C6: variants seen among roughly 807,000 people sequenced by gnomAD.
The protein encoded by C6 is complement C6.
A neutral mutation model predicts 112.9 loss-of-function variants in C6; 101 were observed. The observed-to-expected ratio is 0.89, with a 90% CI of 0.76 to 1.06. The LOEUF is 1.06. C6 is among the 50% of genes least tolerant of loss of function. The pLI, the probability that C6 is intolerant of heterozygous loss-of-function variation, is 0.00. For synonymous variants in C6, 431 were observed against 384.1 expected, an observed-to-expected ratio of 1.12 and a Z score of -1.43; for missense variants, 1,202 against 1,104.6, an observed-to-expected ratio of 1.09 and a Z score of -1.25.
chr5:41,182,741 C>G (rs1176154283), intron 6 of C6, among the ~76,000 whole-genome samples: 1 of 152,158 alleles, frequency 6.6e-6, no homozygotes, highest in East Asian at 1.9e-4. Flanking sequence ...TAAAAGAAAA[C>G]CAATAGCTTG....
chr5:41,244,268 A>G (rs1740896420), intron 1 of C6, among the ~76,000 whole-genome samples: 1 of 152,242 alleles, frequency 6.6e-6, no homozygotes, highest in African/African-American at 2.4e-5. Flanking sequence ...AGACAACAAT[A>G]ACAGCAGCAA....
chr5:41,154,777 G>A (rs113554492), intron 14 of C6, among the ~76,000 whole-genome samples, 195 bp downstream of exon 14: 1,624 of 152,276 alleles, frequency 0.011, 9 homozygotes, highest in Non-Finnish European at 0.017. Flanking sequence ...CAGGAACACT[G>A]AAATATGGAG....
chr5:41,149,347 G>A lies in C6; in HGVS notation c.2517C>T (p.Asp839=), dbSNP rs567176554. 59 of 1,614,026 alleles carry A rather than the reference G, an allele frequency of 3.7e-5. 1 individual carries two copies. The highest frequency in any genetic ancestry group is 3.2e-4 in the South Asian group (29 of 91,066). Residue 839 remains aspartate (D), a synonymous_variant, in exon 17 of 18, where the codon GAC becomes GAT. Transcript: ENST00000337836. ...CAAGACCCCATTCTAACTGGCGGCC[G>A]TCTTGGCAGGAACCAATATGTAGAA... ...LHFLHIGSCQ[D]GRQLEWGLER...
intron 17 of C6, among the ~76,000 whole-genome samples, chr5:41,145,414 C>A (rs1253758338): frequency 1.3e-5 from 2 of 152,150 alleles, no homozygotes; most frequent in East Asian, 3.8e-4. Context: ...GATCAACCGA[C>A]TTGAAATTCT....
In C6 at chr5:41,149,460, C is replaced by G. The variant is rs200904814; in HGVS notation, c.2404G>C (p.Val802Leu). ...DCSHHSEDLC[V>L]FDTDSNDYFT... Reference sequence around the variant, plus strand: ...TAATCGTTGGAGTCTGTGTCAAACACACAGAGATCTTCTGAATGATGGCTG... The same window carrying G: ...TAATCGTTGGAGTCTGTGTCAAACAGACAGAGATCTTCTGAATGATGGCTG... The change falls in exon 17 of 18, where the codon GTG becomes CTG. Residue 802 changes from valine (V) to leucine (L), a missense_variant. By Grantham distance (32) the Val-to-Leu change is conservative. Coordinates refer to ENST00000337836, the MANE Select transcript of C6 (RefSeq NM_000065.5). The G allele has an allele frequency of 6.2e-7, 1 of 1,614,014 alleles. No individual in the cohort carries two copies. The highest frequency in any genetic ancestry group is 2.2e-5 in the East Asian group (1 of 44,878).
intron 6 of C6, among the ~76,000 whole-genome samples, chr5:41,183,840 C>T (rs552304083): frequency 6.6e-6 from 1 of 152,244 alleles, no homozygotes; most frequent in South Asian, 2.1e-4. Context: ...AACATGGATA[C>T]AGCTGGAGAC....
chr5:41,260,030 G>A (rs866554918), intron 1 of C6, among the ~76,000 whole-genome samples: 2 of 152,238 alleles, frequency 1.3e-5, no homozygotes, highest in South Asian at 4.2e-4. Context: ...AGAAAGAATT[G>A]TTTTATTCAA....
At chr5:41,245,404 C>G (rs144918111) in intron 1 of C6, among the ~76,000 whole-genome samples, 1 of 152,070 alleles carries the variant, frequency 6.6e-6, no homozygotes, top group South Asian at 2.1e-4. Context: ...CACCTGTAAT[C>G]CCAGCTACTT....
At chr5:41,212,995 T>A (rs547429863) in intron 1 of C6, 2 of 150,108 alleles carry the variant, frequency 1.3e-5, no homozygotes, top group South Asian at 4.2e-4. Context: ...CTGAATTTCT[T>A]ATTTCTTATT....
At chr5:41,148,891 T>C (rs1036833036) in intron 17 of C6, among the ~76,000 whole-genome samples, 13 of 152,268 alleles carry the variant, frequency 8.5e-5, no homozygotes, top group African/African-American at 3.1e-4. Flanking sequence ...TCCCAAACAC[T>C]AGAAGGAAAC....
intron 1 of C6, among the ~76,000 whole-genome samples, chr5:41,206,801 T>C (rs1489363128): frequency 6.6e-6 from 1 of 152,198 alleles, no homozygotes; most frequent in Non-Finnish European, 1.5e-5. Flanking sequence ...GAAAACACTC[T>C]GCAGGATATT....
chr5:41,210,577 C>A (rs557297349), intron 1 of C6, among the ~76,000 whole-genome samples: 1 of 151,996 alleles, frequency 6.6e-6, no homozygotes, highest in Non-Finnish European at 1.5e-5. Context: ...AGACCCTTGA[C>A]ATTTGAGAAA....
In C6 at chr5:41,234,830, C is replaced by T. The variant is rs747862857; in HGVS notation, c.-21+26364G>A. Among the ~76,000 whole-genome samples the T allele has an allele frequency of 4.4e-3, 672 of 152,044 alleles. 7 individuals carry two copies. The highest frequency in any genetic ancestry group is 6.5e-3 in the Non-Finnish European group (441 of 67,984). On this transcript the variant is annotated intron_variant, in intron 1 of 17. Transcript: ENST00000263413. Reference sequence around the variant, plus strand: ...ATGCCAAGGTGATAAAATATGAAGGCACATTTGTAAATGTGAATTACTCAG... The same window carrying T: ...ATGCCAAGGTGATAAAATATGAAGGTACATTTGTAAATGTGAATTACTCAG...
chr5:41,257,414 T>C lies in C6; in HGVS notation c.-21+3780A>G, dbSNP rs567362515. 2.0e-5 allele frequency among the ~76,000 whole-genome samples: 3 copies of C among 152,286 alleles called. No individual in the cohort carries two copies. In the South Asian group the frequency reaches 6.2e-4, roughly 32 times the overall value. ...TGTATACCACATTTTCTTTATCCAG[T>C]ACACTGTTAATGGGCATCTAGATAG... On this transcript the variant is annotated intron_variant, in intron 1 of 17. Coordinates refer to the C6 transcript ENST00000263413.
chr5:41,227,329 G>T, intron 1 of C6, among the ~76,000 whole-genome samples: 1 of 151,534 alleles, frequency 6.6e-6, no homozygotes, highest in African/African-American at 2.4e-5. Flanking sequence ...GATTGTTTGA[G>T]GTTTTTAATA....
At position 41,199,856 on chromosome 5, in the gene C6, C is replaced by T. The variant is rs577864970; in HGVS notation, c.357G>A (p.Ala119=). 42 of 1,613,590 alleles carry T rather than the reference C, an allele frequency of 2.6e-5. No homozygotes were observed. The highest frequency in any genetic ancestry group is 1.9e-4 in the South Asian group (17 of 91,078). The change falls in exon 4 of 18, where the codon GCG becomes GCA. Residue 119 remains alanine, a synonymous_variant. Transcript: ENST00000337836. ...TGCATGGTTGAAAGGCTACCAGAGG[C>T]GCAGTGCATGGCTGTCCCCCAAACT... ...PSQFGGQPCT[A]PLVAFQPCIP... is the part of the protein sequence containing the mutation.
chr5:41,252,015 G>T (rs1741392809), intron 1 of C6, among the ~76,000 whole-genome samples: 1 of 152,200 alleles, frequency 6.6e-6, no homozygotes, highest in East Asian at 1.9e-4. Flanking sequence ...AGATTTTATA[G>T]CGTGGCTATC....
At chr5:41,156,035 G>A (rs1248333305) in intron 13 of C6, among the ~76,000 whole-genome samples, 2 of 151,820 alleles carry the variant, frequency 1.3e-5, no homozygotes, top group African/African-American at 4.8e-5. Context: ...GGGGGTGGGG[G>A]TGATTCACTA....
chr5:41,165,145 T>C (rs909978306), intron 9 of C6, among the ~76,000 whole-genome samples: 1 of 152,246 alleles, frequency 6.6e-6, no homozygotes, highest in Non-Finnish European at 1.5e-5. Context: ...GGCATTCATC[T>C]ATCTTGTTTG....
Sources: allele counts gnomAD v4.1 joint callset (sites outside exome capture counted in the v4.1 genomes callset), GRCh38; gene constraint gnomAD v4.1.1; transcripts MANE v1.5; gene names NCBI Gene and HGNC (gene_info 2026-07-23, HGNC 2026-07-21).